Variants in GNAS-AS1 observed in about 807,000 individuals in gnomAD.
The protein encoded by GNAS-AS1 is GNAS antisense RNA 1.
intron 4 of GNAS-AS1, among the ~76,000 whole-genome samples, chr20:58,837,193 T>A (rs1434377922): frequency 6.6e-6 from 1 of 152,164 alleles, no homozygotes; most frequent in African/African-American, 2.4e-5. Context: ...TGCCCTGAAA[T>A]CAGCTTGAAT....
intron 4 of GNAS-AS1, among the ~76,000 whole-genome samples, chr20:58,828,889 C>T (rs1199712094): frequency 1.4e-5 from 2 of 147,428 alleles, no homozygotes; most frequent in Non-Finnish European, 1.5e-5. Context: ...CTCCTGGCCC[C>T]ACCGCCCCAC....
At chr20:58,819,295 A>C (rs947375947) in intron 4 of GNAS-AS1, 44 of 398,388 alleles carry the variant, frequency 1.1e-4, no homozygotes, top group Admixed American at 2.2e-4. Flanking sequence ...CAAAGAGAAA[A>C]ACAGGGCAAA....
chr20:58,849,739 C>T (rs990485523), intron 1 of GNAS-AS1, among the ~76,000 whole-genome samples: 2 of 152,156 alleles, frequency 1.3e-5, no homozygotes, highest in African/African-American at 4.8e-5. Context: ...CTTTGGGACC[C>T]CTCTTGAGTG....
intron 4 of GNAS-AS1, chr20:58,836,244 T>G (rs772284110): frequency 1.3e-5 from 2 of 152,188 alleles, no homozygotes; most frequent in African/African-American, 2.4e-5. Context: ...TACCTGTCCT[T>G]TGACTTCACA....
intron 4 of GNAS-AS1, among the ~76,000 whole-genome samples, chr20:58,824,716 C>A (rs2085508479): frequency 6.6e-6 from 1 of 152,178 alleles, no homozygotes; most frequent in South Asian, 2.1e-4. Context: ...CAGAAGAAAC[C>A]AAATGCAGAA....
Position 58,841,988 on chromosome 20 carries a change from T to A in GNAS-AS1, n.768A>T. The A allele has an allele frequency of 1.0e-6, 1 of 975,652 alleles. No homozygotes were observed. The highest frequency in any genetic ancestry group is 1.3e-6 in the Non-Finnish European group (1 of 753,806). The allele number at this position is 975,652 out of a possible 1,614,324, so 60.4% of individuals were successfully genotyped here. ...CGCAGAGCTGGGGAAAGGTGTTGGA[T>A]CCGGCGCCAGTCCTTGGACGATCAG... On this transcript the variant is annotated non_coding_transcript_exon_variant, in exon 4 of 5. Transcript: ENST00000424094. This position sits in a 1 kb window ranked among gnomAD's most constrained non-coding sequence, Gnocchi z 5.0.
intron 4 of GNAS-AS1, among the ~76,000 whole-genome samples, chr20:58,821,528 AT>A (rs1169621944): frequency 6.6e-6 from 1 of 152,176 alleles, no homozygotes; most frequent in Non-Finnish European, 1.5e-5. Context: ...AAATTAATGC[AT>A]TTCTCTAATG....
At chr20:58,821,365 C>T (rs1045116353) in intron 4 of GNAS-AS1, among the ~76,000 whole-genome samples, 1 of 152,250 alleles carries the variant, frequency 6.6e-6, no homozygotes, top group Non-Finnish European at 1.5e-5. Flanking sequence ...TCAGCTCCAT[C>T]ATTTTCCAGG....
In GNAS-AS1 at chr20:58,840,523, C is replaced by A. The variant is rs148044699; in HGVS notation, n.819+1414G>T. ...CCGCCCCCACCACTGAGCCCGAGAC[C>A]GAGCCTGAAGACGATCGCGGCCCGG... is the stretch of plus-strand genomic sequence containing the variant. On this transcript the variant is annotated intron_variant and non_coding_transcript_variant, in intron 4 of 4. Transcript: ENST00000424094. This position sits in a 1 kb window ranked among gnomAD's most constrained non-coding sequence, Gnocchi z 6.0. 5.6e-6 allele frequency: 9 copies of A among 1,613,508 alleles called. No individual in the cohort carries two copies. In the African/African-American group the frequency reaches 1.2e-4, roughly 22 times the overall value.
At chr20:58,820,551 C>A (rs1048471657) in intron 4 of GNAS-AS1, among the ~76,000 whole-genome samples, 12 of 152,246 alleles carry the variant, frequency 7.9e-5, no homozygotes, top group African/African-American at 2.9e-4. Context: ...AGAAAGGCAG[C>A]CTCTCCCAGA....
intron 2 of GNAS-AS1, among the ~76,000 whole-genome samples, chr20:58,846,701 C>G (rs376218570): frequency 3.1e-4 from 47 of 152,192 alleles, no homozygotes; most frequent in African/African-American, 9.4e-4. Context: ...CATGTGAGAG[C>G]TGGTTTCTGA....
intron 4 of GNAS-AS1, among the ~76,000 whole-genome samples, chr20:58,822,387 C>G (rs2085492596): frequency 2.0e-5 from 3 of 152,144 alleles, no homozygotes; most frequent in African/African-American, 7.2e-5. Flanking sequence ...GTGCTGCTGG[C>G]CGAAAGGGGG....
intron 4 of GNAS-AS1, among the ~76,000 whole-genome samples, chr20:58,835,868 T>C (rs1373371923): frequency 6.6e-6 from 1 of 152,252 alleles, no homozygotes; most frequent in Non-Finnish European, 1.5e-5. Context: ...ACAGATGGAC[T>C]TGACTCATTT....
intron 4 of GNAS-AS1, among the ~76,000 whole-genome samples, chr20:58,838,025 CT>C (rs1386520548): frequency 6.6e-6 from 1 of 152,182 alleles, no homozygotes; most frequent in Non-Finnish European, 1.5e-5. Context: ...GGTAGAGCCT[CT>C]TTTTTTAAGA....
intron 4 of GNAS-AS1, among the ~76,000 whole-genome samples, chr20:58,837,658 G>C (rs371710406): frequency 1.2e-4 from 19 of 152,340 alleles, no homozygotes; most frequent in East Asian, 1.2e-3. Context: ...GGTCAGGCTG[G>C]TCTTGAACTC....
intron 4 of GNAS-AS1, among the ~76,000 whole-genome samples, chr20:58,828,706 T>A (rs962757740): frequency 6.6e-6 from 1 of 152,254 alleles, no homozygotes; most frequent in Non-Finnish European, 1.5e-5. Context: ...CTTTCCACTG[T>A]GCCCGAGACC....
rs1345599790 is a variant in GNAS-AS1 at position 58,830,199 on chromosome 20, CCATCAT to C, written n.820-10950_820-10945del. ...TATCATAACCACCACCACCACATCA[CCATCAT>C]CACCACCACCACCACACCACCATCA... is the stretch of plus-strand genomic sequence containing the variant. On this transcript the variant is annotated intron_variant and non_coding_transcript_variant, in intron 4 of 4. Coordinates refer to ENST00000424094, the Ensembl canonical transcript of GNAS-AS1. Among the ~76,000 whole-genome samples, 214 of 150,584 alleles carry C rather than the reference CCATCAT, an allele frequency of 1.4e-3. 2 individuals carry two copies. Among genetic ancestry groups the C allele is most frequent in the African/African-American group, 5.0e-3 (205 of 40,942 alleles).
chr20:58,822,471 C>T lies in GNAS-AS1; in HGVS notation n.820-3216G>A, dbSNP rs578135166. Among the ~76,000 whole-genome samples the T allele has an allele frequency of 2.0e-5, 3 of 152,280 alleles. No homozygotes were observed. In the East Asian group the frequency reaches 5.8e-4, roughly 29 times the overall value. On this transcript the variant is annotated intron_variant and non_coding_transcript_variant, in intron 4 of 4. Coordinates refer to ENST00000424094, the Ensembl canonical transcript of GNAS-AS1. ...CAGAAAACTAGAGGCTCCACTAGAC[C>T]AGGAGAAGTCAAATGGCCAAAGGCT... is the stretch of plus-strand genomic sequence containing the variant.
intron 4 of GNAS-AS1, chr20:58,839,997 C>G (rs918794407): frequency 7.0e-5 from 88 of 1,250,736 alleles, no homozygotes; most frequent in Non-Finnish European, 9.9e-5. Flanking sequence ...TCCGGGCCAG[C>G]TTCTCACCTC....
Sources: allele counts gnomAD v4.1 joint callset (sites outside exome capture counted in the v4.1 genomes callset), GRCh38; gene constraint gnomAD v4.1.1; non-coding constraint Gnocchi (gnomAD v3.1); transcripts MANE v1.5; gene names NCBI Gene and HGNC (gene_info 2026-07-23, HGNC 2026-07-21).